The following ASPH variants were observed in gnomAD, a reference collection of about 807,000 sequenced individuals.
ASPH encodes the protein aspartyl/asparaginyl beta-hydroxylase.
In ASPH, 100 loss-of-function variants were observed where a neutral mutation model predicts 118.4. That is an observed-to-expected ratio of 0.84 (90% CI 0.72 to 1.00). The LOEUF is 1.00. ASPH is among the 50% of genes least tolerant of loss of function. The probability of loss-of-function intolerance (pLI) is 0.00; values close to 1 mark genes in which losing one functional copy is unlikely to be tolerated. For missense variants in ASPH, 920 were observed against 919.5 expected (o/e 1.00, Z -0.01); for synonymous variants, 315 against 325.6 (o/e 0.97, Z 0.35).
chr8:61,572,250 G>A (rs1833678947), intron 16 of ASPH, among the ~76,000 whole-genome samples: 1 of 152,136 alleles, frequency 6.6e-6, no homozygotes, highest in Admixed American at 6.5e-5. Flanking sequence ...CATCTCCTCT[G>A]TCTGGAAAAT....
chr8:61,613,697 G>A (rs1317339595), intron 14 of ASPH, among the ~76,000 whole-genome samples: 2 of 152,190 alleles, frequency 1.3e-5, no homozygotes, highest in Non-Finnish European at 2.9e-5. Context: ...AGAAATGGGA[G>A]TGATAAAAGG....
chr8:61,635,380 T>C (rs1349169451), intron 12 of ASPH, among the ~76,000 whole-genome samples: 1 of 152,102 alleles, frequency 6.6e-6, no homozygotes, highest in East Asian at 1.9e-4. Flanking sequence ...ATGGATTTAA[T>C]ACCATCTCTA....
intron 14 of ASPH, among the ~76,000 whole-genome samples, chr8:61,599,444 A>G (rs1843321588): frequency 6.6e-6 from 1 of 151,502 alleles, no homozygotes; most frequent in South Asian, 2.1e-4. Context: ...CGTTGTGCAC[A>G]TGTACCCTAG....
chr8:61,705,918 T>C (rs1194113047), intron 1 of ASPH, among the ~76,000 whole-genome samples: 1 of 152,222 alleles, frequency 6.6e-6, no homozygotes, highest in Non-Finnish European at 1.5e-5. Flanking sequence ...AAAGCAAATC[T>C]ATCAAAATGT....
Position 61,524,532 on chromosome 8 carries a change from T to G in ASPH, c.1900+1445A>C, listed in dbSNP as rs182382938. 4.6e-5 allele frequency among the ~76,000 whole-genome samples: 7 copies of G among 152,240 alleles called. No individual in the cohort carries two copies. In the East Asian group the frequency reaches 1.2e-3, roughly 25 times the overall value. ...AAAGAGAAAGAAAGAACATGTAAATTCCATTCAATGGGAATAAGAATTTAA... is the reference window on the plus strand; with the variant it reads ...AAAGAGAAAGAAAGAACATGTAAATGCCATTCAATGGGAATAAGAATTTAA... On this transcript the variant is annotated intron_variant, in intron 22 of 24. Transcript: ENST00000379454.
chr8:61,652,577 T>C (rs1027604097), intron 4 of ASPH, among the ~76,000 whole-genome samples: 4 of 152,228 alleles, frequency 2.6e-5, no homozygotes, highest in Admixed American at 2.0e-4. Context: ...TGGATTCTTC[T>C]TTCAAAATCG....
At position 61,633,905 on chromosome 8, in the gene ASPH, T is replaced by G. The variant is rs926610571; in HGVS notation, c.890-178A>C. ...ACAACAAAGAATGATCAGCTACAACTTAGCAAAATGTTGTGTATTTCTCAA... is the reference window on the plus strand; with the variant it reads ...ACAACAAAGAATGATCAGCTACAACGTAGCAAAATGTTGTGTATTTCTCAA... On this transcript the variant is annotated intron_variant, in intron 12 of 24. Coordinates refer to ENST00000379454, the MANE Select transcript of ASPH (RefSeq NM_004318.4). Among the ~76,000 whole-genome samples the G allele has an allele frequency of 2.6e-5, 4 of 152,304 alleles. No individual in the cohort carries two copies. The East Asian group carries it at 7.7e-4, about 29-fold the overall frequency.
intron 10 of ASPH, among the ~76,000 whole-genome samples, chr8:61,640,459 C>T (rs959760285): frequency 6.6e-6 from 1 of 152,198 alleles, no homozygotes. Context: ...TCAGAGACCT[C>T]ATACGACTCT....
At chr8:61,523,346 C>T (rs1476281671) in intron 22 of ASPH, among the ~76,000 whole-genome samples, 7 of 138,866 alleles carry the variant, frequency 5.0e-5, no homozygotes, top group East Asian at 2.1e-4. Context: ...TTGACAGTCT[C>T]GCTCTGTTGC....
intron 13 of ASPH, among the ~76,000 whole-genome samples, chr8:61,630,024 C>T (rs1391483152): frequency 1.3e-5 from 2 of 152,196 alleles, no homozygotes; most frequent in East Asian, 1.9e-4. Context: ...ATCCACAGAA[C>T]GTGCTTAGCA....
chr8:61,532,968 T>G (rs548339570), intron 21 of ASPH, among the ~76,000 whole-genome samples: 1 of 152,324 alleles, frequency 6.6e-6, no homozygotes, highest in South Asian at 2.1e-4. Flanking sequence ...TCTCTTTCTT[T>G]CCTGTTTCTT....
intron 3 of ASPH, chr8:61,668,351 T>A: frequency 8.2e-7 from 1 of 1,220,068 alleles, no homozygotes. Context: ...GTCTATTAAA[T>A]AGGTAAAATC....
At chr8:61,561,099 AGAGGGAGGGAGGGAGG>A (rs1162796453) in intron 18 of ASPH, among the ~76,000 whole-genome samples, 4 of 9,310 alleles carry the variant, frequency 4.3e-4, no homozygotes, top group South Asian at 8.9e-3. Context: ...AGGGAGGGAG[AGAGGGAGGGAGGGAGG>A]GAGGGAGGGA....
At chr8:61,672,827 G>A (rs72659045) in intron 3 of ASPH, among the ~76,000 whole-genome samples, 12,910 of 152,144 alleles carry the variant, frequency 0.085, 703 homozygotes, top group East Asian at 0.12. Flanking sequence ...GTTTCTTTAA[G>A]CATTCCAAAT....
intron 13 of ASPH, chr8:61,624,172 G>T (rs35337652): frequency 1.1e-6 from 1 of 915,840 alleles, no homozygotes; most frequent in Non-Finnish European, 1.3e-6. Context: ...TATCTGTATC[G>T]AAATATCTCA....
intron 24 of ASPH, among the ~76,000 whole-genome samples, chr8:61,505,023 T>C (rs1396575145): frequency 2.0e-5 from 3 of 152,146 alleles, no homozygotes; most frequent in Non-Finnish European, 4.4e-5. Context: ...CATCTTGAAT[T>C]GTACTCCCAT....
intron 1 of ASPH, among the ~76,000 whole-genome samples, chr8:61,712,766 A>G (rs931386973): frequency 3.3e-5 from 5 of 152,254 alleles, no homozygotes; most frequent in African/African-American, 9.6e-5. Flanking sequence ...GTTCTCACCA[A>G]TAAGAGGCCA....
At chr8:61,647,724 A>G (rs1380516193) in intron 5 of ASPH, among the ~76,000 whole-genome samples, 1 of 152,116 alleles carries the variant, frequency 6.6e-6, no homozygotes, top group African/African-American at 2.4e-5. Context: ...AAAATAAATT[A>G]TATGCTAGGT....
chr8:61,689,599 G>A, intron 1 of ASPH: 2 of 1,408,156 alleles, frequency 1.4e-6, no homozygotes, highest in Non-Finnish European at 2.0e-6. Context: ...TTTTAACAGA[G>A]CACCACTGAA....
Sources: allele counts gnomAD v4.1 joint callset (sites outside exome capture counted in the v4.1 genomes callset), GRCh38; gene constraint gnomAD v4.1.1; transcripts MANE v1.5; gene names NCBI Gene and HGNC (gene_info 2026-07-23, HGNC 2026-07-21).